Variants in THRAP3 observed in about 807,000 individuals in gnomAD.
THRAP3 encodes the protein thyroid hormone receptor associated protein 3, also known as thyroid hormone receptor-associated protein 3.
THRAP3 carries 16 observed loss-of-function variants against 101.0 expected under a neutral mutation model. The observed-to-expected ratio is 0.16, with a 90% CI of 0.11 to 0.24. THRAP3 has a LOEUF of 0.24. Ranked by LOEUF, THRAP3 falls within the 10% of genes least tolerant of loss-of-function variation. THRAP3 has a pLI of 1.00. For missense variants in THRAP3, 989 were observed against 1,202.7 expected (o/e 0.82, Z 2.63); for synonymous variants, 407 against 422.6 (o/e 0.96, Z 0.45).
chr1:36,237,155 T>TC (rs893464626), intron 1 of THRAP3, among the ~76,000 whole-genome samples: 21 of 150,608 alleles, frequency 1.4e-4, no homozygotes, highest in African/African-American at 3.9e-4. Flanking sequence ...AGAGTGAAAC[T>TC]CCATCTCAAA....
chr1:36,223,086 C>T (rs1397361530), upstream of THRAP3, among the ~76,000 whole-genome samples: 5 of 152,078 alleles, frequency 3.3e-5, no homozygotes, highest in East Asian at 3.9e-4. Flanking sequence ...AAAATCGCAC[C>T]ACTGCCCTCC....
the THRAP3 span, among the ~76,000 whole-genome samples, chr1:36,214,026 GAAAGAAAGAAAGAAAGAAAGAAAGAAAGA>G: frequency 1.6e-5 from 2 of 126,130 alleles, no homozygotes; most frequent in African/African-American, 6.4e-5. Flanking sequence ...AAGAAAGAAA[GAAAGAAAGAAAGAAAGAAAGAAAGAAAGA>G]AAGAAAGAAA....
In THRAP3 at chr1:36,292,724, C is replaced by A; in HGVS notation, c.2030+15C>A. The stretch of plus-strand genomic sequence containing the variant: ...GAGATACACAGGTAAGGACCATGGC[C>A]TTATACTGGAGGTTGTAATAAAAGA... On this transcript the variant is annotated intron_variant, in intron 7 of 11. Transcript: ENST00000354618. The A allele has an allele frequency of 6.3e-7, 1 of 1,579,552 alleles. No individual in the cohort carries two copies. The highest frequency in any genetic ancestry group is 8.6e-7 in the Non-Finnish European group (1 of 1,157,964).
At chr1:36,237,604 C>A (rs1168859616) in intron 1 of THRAP3, among the ~76,000 whole-genome samples, 1 of 151,970 alleles carries the variant, frequency 6.6e-6, no homozygotes, top group African/African-American at 2.4e-5. Flanking sequence ...AACCCCCTCT[C>A]TACTAAAAAT....
rs2124583827 is a variant in THRAP3 at position 36,282,624 on chromosome 1, A to G, written c.61A>G (p.Arg21Gly). Residue 21 changes from arginine to glycine, a missense_variant, in exon 3 of 12, where the codon AGA becomes GGA. Transcript: ENST00000354618. ...CTCTTCTCGCTCAAGATCTGCATCA[A>G]GATCTCGTTCTCGTTCATTTTCGAA... The part of the protein sequence containing the change: ...SRSSRSRSAS[R>G]SRSRSFSKSR... The G allele has an allele frequency of 1.9e-6, 3 of 1,614,178 alleles. No homozygotes were observed. Among genetic ancestry groups the G allele is most frequent in the Non-Finnish European group, 2.5e-6 (3 of 1,180,018 alleles).
chr1:36,288,402 A>C, intron 4 of THRAP3: 1 of 985,410 alleles, frequency 1.0e-6, no homozygotes, highest in Non-Finnish European at 1.2e-6. Flanking sequence ...ATTTTAAAAC[A>C]TAAGTTTTGT....
At chr1:36,297,163 A>G (rs557740220) in intron 9 of THRAP3, among the ~76,000 whole-genome samples, 1 of 152,316 alleles carries the variant, frequency 6.6e-6, no homozygotes, top group African/African-American at 2.4e-5. Context: ...AGTCAAAGAA[A>G]CAGGGTGGAA....
At chr1:36,244,256 C>T (rs1210756327) in intron 1 of THRAP3, among the ~76,000 whole-genome samples, 1 of 152,084 alleles carries the variant, frequency 6.6e-6, no homozygotes, top group Non-Finnish European at 1.5e-5. Flanking sequence ...GGATAGGCAT[C>T]TTTTTAATTT....
intron 2 of THRAP3, among the ~76,000 whole-genome samples, chr1:36,279,707 C>T (rs1403554284): frequency 6.6e-6 from 1 of 152,178 alleles, no homozygotes; most frequent in Non-Finnish European, 1.5e-5. Flanking sequence ...CAGTTCTCCT[C>T]TAAATTATGT....
intron 1 of THRAP3, among the ~76,000 whole-genome samples, chr1:36,237,837 T>G (rs868355128): frequency 3.3e-5 from 5 of 151,892 alleles, no homozygotes; most frequent in Admixed American, 6.6e-5. Context: ...GTGTGTGTGT[T>G]TTTGGAGACA....
At chr1:36,255,402 C>T (rs1316438403) in intron 1 of THRAP3, among the ~76,000 whole-genome samples, 1 of 151,156 alleles carries the variant, frequency 6.6e-6, no homozygotes, top group African/African-American at 2.4e-5. Context: ...CTGAGGCTGG[C>T]GGATCATGTG....
chr1:36,220,647 A>T (rs532673202), upstream of THRAP3, among the ~76,000 whole-genome samples: 16 of 151,582 alleles, frequency 1.1e-4, no homozygotes, highest in South Asian at 2.3e-3. Flanking sequence ...GTTTGAGACC[A>T]GAATGGGCAA....
chr1:36,279,183 ATGAG>A (rs2124570875), intron 2 of THRAP3, among the ~76,000 whole-genome samples: 1 of 152,294 alleles, frequency 6.6e-6, no homozygotes, highest in African/African-American at 2.4e-5. Flanking sequence ...GAGTGTTGAA[ATGAG>A]TGTTTCCTTT....
intron 9 of THRAP3, among the ~76,000 whole-genome samples, chr1:36,298,117 A>T (rs1350241640): frequency 7.5e-6 from 1 of 134,132 alleles, no homozygotes; most frequent in African/African-American, 2.7e-5. Context: ...ACTGCATTCC[A>T]GCCTAGGCGA....
chr1:36,210,259 G>C, the THRAP3 span, among the ~76,000 whole-genome samples: 1 of 151,502 alleles, frequency 6.6e-6, no homozygotes, highest in Non-Finnish European at 1.5e-5. Context: ...CCAGCTGCTC[G>C]GGAGGCTGAG....
intron 1 of THRAP3, chr1:36,225,490 G>A (rs1031236452): frequency 2.0e-5 from 3 of 152,132 alleles, no homozygotes; most frequent in African/African-American, 7.2e-5. Context: ...CCTTTACAGG[G>A]TTATTGTGGA....
chr1:36,235,566 A>G lies in THRAP3; in HGVS notation c.-135+11061A>G, dbSNP rs563250639. Among the ~76,000 whole-genome samples the G allele has an allele frequency of 2.0e-5, 3 of 152,192 alleles. No homozygotes were observed. In the East Asian group the frequency reaches 5.8e-4, roughly 29 times the overall value. On this transcript the variant is annotated intron_variant, in intron 1 of 11. Coordinates refer to ENST00000354618, the MANE Select transcript of THRAP3 (RefSeq NM_005119.4). ...CCAGAGAGATACAGATGAAATTGAG[A>G]TACCATTTTCTTCCTGAGATTTCCA...
rs917985502 is a variant in THRAP3 at position 36,243,134 on chromosome 1, A to G, written c.-134-16248A>G. ...TATAAGTGGTTTGGGAATAAGATGC[A>G]TTTTGTGAGGAACTTTCTTTTTTTT... On this transcript the variant is annotated intron_variant, in intron 1 of 11. Coordinates refer to ENST00000354618, the MANE Select transcript of THRAP3 (RefSeq NM_005119.4). Among the ~76,000 whole-genome samples, 36 of 107,420 alleles carry G rather than the reference A, an allele frequency of 3.4e-4. No homozygotes were observed. In the South Asian group the frequency reaches 7.4e-3, roughly 22 times the overall value. 70.5% of individuals were successfully genotyped at this position (107,420 alleles called of 152,430 possible). A position where few individuals can be genotyped will look rare whatever the true frequency, so the allele number is the denominator to read the frequency against.
intron 7 of THRAP3, among the ~76,000 whole-genome samples, chr1:36,293,076 T>G (rs1645898710): frequency 8.6e-6 from 1 of 116,506 alleles, no homozygotes; most frequent in Non-Finnish European, 1.6e-5. Flanking sequence ...CCACCCAGGC[T>G]GGAGTGCAGT....
Sources: allele counts gnomAD v4.1 joint callset (sites outside exome capture counted in the v4.1 genomes callset), GRCh38; gene constraint gnomAD v4.1.1; transcripts MANE v1.5; gene names NCBI Gene and HGNC (gene_info 2026-07-23, HGNC 2026-07-21).